The following AK9 variants were observed in gnomAD, a reference collection of about 807,000 sequenced individuals.
AK9 encodes the protein adenylate kinase domain containing 1.
In AK9, 191 loss-of-function variants were observed where a neutral mutation model predicts 239.6. That is an observed-to-expected ratio of 0.80 (90% CI 0.71 to 0.90). AK9 has a LOEUF of 0.90. AK9 is among the 40% of genes least tolerant of loss of function. The pLI is 0.00. For synonymous variants in AK9, 689 were observed against 721.0 expected (o/e 0.96, Z 0.71); for missense variants, 1,995 against 2,214.7 (o/e 0.90, Z 1.99).
chr6:109,497,570 G>T lies in AK9; in HGVS notation c.5217-7C>A. On this transcript the variant is annotated splice_region_variant and splice_polypyrimidine_tract_variant and intron_variant, in intron 37 of 40. Transcript: ENST00000424296. ...AGGTACTAGAGCTTCATATCTGGAA[G>T]ACCAAAAAACAAAACAAAACCTCTA... The T allele has an allele frequency of 6.4e-7, 1 of 1,566,048 alleles. No homozygotes were observed. Among genetic ancestry groups the T allele is most frequent in the East Asian group, 2.2e-5 (1 of 44,602 alleles).
rs187992573 is a variant in AK9, at chr6:109,520,600, G to T, written c.3634-3958C>A. ...ATTGTTTTGGCTATTTGGGGCTTCTGTTTTGGTTCCATATGAATTTTAGAA... is the reference window on the plus strand; with the variant it reads ...ATTGTTTTGGCTATTTGGGGCTTCTTTTTTGGTTCCATATGAATTTTAGAA... On this transcript the variant is annotated intron_variant, in intron 29 of 40. Transcript: ENST00000424296. Among the ~76,000 whole-genome samples the T allele has an allele frequency of 5.9e-3, 893 of 152,116 alleles. 3 individuals carry two copies. Among genetic ancestry groups the T allele is most frequent in the Non-Finnish European group, 8.9e-3 (603 of 67,934 alleles).
chr6:109,602,240 C>T (rs1406470918), intron 17 of AK9, among the ~76,000 whole-genome samples: 9 of 152,126 alleles, frequency 5.9e-5, no homozygotes, highest in Non-Finnish European at 1.0e-4. Context: ...TTTAGTGCTT[C>T]CTTCAGGAGC....
At chr6:109,628,347 C>A (rs1795770625) in intron 12 of AK9, among the ~76,000 whole-genome samples, 1 of 152,180 alleles carries the variant, frequency 6.6e-6, no homozygotes, top group Non-Finnish European at 1.5e-5. Context: ...GCTCCCTTCT[C>A]CCTGCTGCTC....
intron 20 of AK9, 101 bp from the exon 21 acceptor site, chr6:109,573,695 C>T: frequency 8.9e-7 from 1 of 1,129,572 alleles, no homozygotes; most frequent in East Asian, 2.6e-5. Context: ...ATGAAATGGT[C>T]CCTGCCCTCC....
At chr6:109,624,318 A>T (rs952690610) in intron 12 of AK9, among the ~76,000 whole-genome samples, 9 of 152,202 alleles carry the variant, frequency 5.9e-5, no homozygotes, top group Admixed American at 1.3e-4. Flanking sequence ...GGATGCATAG[A>T]TGCCCTTTTG....
chr6:109,564,555 C>A (rs967577919), intron 22 of AK9, among the ~76,000 whole-genome samples: 1 of 146,176 alleles, frequency 6.8e-6, no homozygotes, highest in Admixed American at 7.0e-5. Flanking sequence ...ATGTATAAAA[C>A]AAATTTGTGT....
rs759703314 is a variant in AK9 at position 109,550,195 on chromosome 6, T to G, written c.2859A>C (p.Glu953Asp). 1.9e-6 allele frequency: 3 copies of G among 1,613,984 alleles called. No individual in the cohort carries two copies. Among genetic ancestry groups the G allele is most frequent in the South Asian group, 1.1e-5 (1 of 91,086 alleles). Residue 953 changes from glutamate to aspartate, a missense_variant, in exon 25 of 41, where the codon GAA becomes GAC. Around this residue, in one of 5 missense-constraint regions of AK9, gnomAD observed 1,290 missense variants for 1,392.7 expected, o/e 0.93. Transcript: ENST00000424296. ...NFILQPGNTE[E>D]AAKYREKIYY... Reference sequence around the variant, plus strand: ...AGATCTTTTCTCGATACTTGGCTGCTTCTTCTGTGTTTCCTGGTTGCAGGA... The same window carrying G: ...AGATCTTTTCTCGATACTTGGCTGCGTCTTCTGTGTTTCCTGGTTGCAGGA...
intron 21 of AK9, among the ~76,000 whole-genome samples, chr6:109,572,050 G>T (rs1787480196): frequency 6.6e-6 from 1 of 152,182 alleles, no homozygotes; most frequent in Non-Finnish European, 1.5e-5. Context: ...TTCTGATACA[G>T]CTGATCTACC....
At position 109,610,424 on chromosome 6, in the gene AK9, T is replaced by C. The variant is rs1793436771; in HGVS notation, c.1783A>G (p.Ile595Val). ...IEETIKMSQD[I>V]NFEQPYEKHA... ...TTTTCATATGGCTGTTCAAAGTTTA[T>C]ATCCTGTGACATTTTTATAGTCTCT... The change falls in exon 17 of 41, where the codon ATA (isoleucine) becomes GTA (valine). Residue 595 changes from isoleucine to valine, a missense_variant. This residue lies in a region of AK9 where 1,290 missense variants were observed against 1,392.7 expected (regional missense o/e 0.93). Transcript: ENST00000424296. The C allele has an allele frequency of 2.6e-6, 4 of 1,551,516 alleles. No homozygotes were observed. The highest frequency in any genetic ancestry group is 3.5e-6 in the Non-Finnish European group (4 of 1,146,914).
intron 17 of AK9, among the ~76,000 whole-genome samples, chr6:109,598,783 G>T (rs1458361873): frequency 1.3e-5 from 2 of 152,156 alleles, no homozygotes; most frequent in Non-Finnish European, 2.9e-5. Context: ...GTGTGAGATG[G>T]TATCTCATTG....
At chr6:109,523,946 A>G (rs1780150486) in intron 29 of AK9, among the ~76,000 whole-genome samples, 1 of 152,188 alleles carries the variant, frequency 6.6e-6, no homozygotes, top group African/African-American at 2.4e-5. Flanking sequence ...TCCCCACAAT[A>G]TAACATTTAC....
At chr6:109,553,521 G>A (rs534704475) in intron 24 of AK9, among the ~76,000 whole-genome samples, 3 of 152,214 alleles carry the variant, frequency 2.0e-5, no homozygotes, top group South Asian at 4.2e-4. Context: ...TTGGTGTAAA[G>A]GAATGCCTGT....
chr6:109,604,686 C>G (rs1370054966), intron 17 of AK9, among the ~76,000 whole-genome samples: 1 of 152,148 alleles, frequency 6.6e-6, no homozygotes, highest in African/African-American at 2.4e-5. Context: ...GTTCTAGTCT[C>G]AATTATTGGT....
chr6:109,688,575 A>G (rs1346934013), intron 1 of AK9, among the ~76,000 whole-genome samples: 1 of 152,246 alleles, frequency 6.6e-6, no homozygotes, highest in East Asian at 1.9e-4. Context: ...GAGACAATGT[A>G]CTTCAAGATG....
intron 24 of AK9, among the ~76,000 whole-genome samples, chr6:109,553,312 A>C (rs1784578707): frequency 6.6e-6 from 1 of 152,066 alleles, no homozygotes; most frequent in Non-Finnish European, 1.5e-5. Context: ...CATTTTCATG[A>C]TATTGATTCT....
At chr6:109,648,521 C>A (rs1448068869) in intron 8 of AK9, among the ~76,000 whole-genome samples, 1 of 152,152 alleles carries the variant, frequency 6.6e-6, no homozygotes, top group Non-Finnish European at 1.5e-5. Context: ...GACACATACA[C>A]CCTCCCAAGA....
chr6:109,506,607 A>G (rs1405186407), intron 34 of AK9, 47 bp downstream of exon 34: 2 of 1,533,710 alleles, frequency 1.3e-6, no homozygotes, highest in African/African-American at 2.8e-5. Context: ...TTTCCCCCGT[A>G]TGATTAAAGT....
At position 109,617,062 on chromosome 6, in the gene AK9, G is replaced by T. The variant is rs143683285; in HGVS notation, c.1399+2030C>A. On this transcript the variant is annotated intron_variant, in intron 13 of 40. Transcript: ENST00000424296. ...AGATCCCATTCACTAGTAATAAAAT[G>T]ACAAAATATCTGGAAATAAGCTTAT... Among the ~76,000 whole-genome samples the T allele has an allele frequency of 2.4e-3, 371 of 152,028 alleles. 2 individuals are homozygous for T. The highest frequency in any genetic ancestry group is 1.2e-3 in the East Asian group (6 of 5,180).
At chr6:109,568,763 T>C (rs1262716769) in intron 21 of AK9, among the ~76,000 whole-genome samples, 1 of 151,948 alleles carries the variant, frequency 6.6e-6, no homozygotes, top group Non-Finnish European at 1.5e-5. Context: ...CAAACCACTG[T>C]TCAATGAAAT....
Sources: gnomAD v4.1 joint callset for allele counts (sites outside exome capture counted in the v4.1 genomes callset) on GRCh38, gnomAD v4.1.1 for gene constraint, gnomAD v4.1.1 regional missense constraint, MANE v1.5 for transcripts, NCBI Gene and HGNC (gene_info 2026-07-23, HGNC 2026-07-21) for gene names.